The following PCDH11X variants were observed in gnomAD, a reference collection of about 807,000 sequenced individuals.
PCDH11X encodes the protein protocadherin-11 X-linked.
PCDH11X carries 18 observed loss-of-function variants against 53.3 expected under a neutral mutation model. The ratio of observed to expected loss-of-function variants is 0.34; its 90% confidence interval spans 0.23 to 0.50. The LOEUF (loss-of-function observed/expected upper bound fraction) is 0.50, where lower values mean the gene tolerates loss of function less well. Among genes scored for constraint, PCDH11X ranks in the 20% least tolerant of loss-of-function variants. The pLI, the probability that PCDH11X is intolerant of heterozygous loss-of-function variation, is 0.98. For missense variants in PCDH11X, 570 were observed against 1,032.4 expected, an observed-to-expected ratio of 0.55 and a Z score of 6.14; for synonymous variants, 279 against 393.3, an observed-to-expected ratio of 0.71 and a Z score of 3.44.
At chrX:91,873,913 C>G (rs1939455322) in intron 5 of PCDH11X, among the ~76,000 whole-genome samples, 2 of 110,806 alleles carry the variant, frequency 1.8e-5, no homozygotes, top group Admixed American at 1.9e-4. Flanking sequence ...TAATGTAAAT[C>G]CGTTAGTGTC....
chrX:91,839,511 G>T (rs2147627223), intron 5 of PCDH11X, among the ~76,000 whole-genome samples: 1 of 107,455 alleles, frequency 9.3e-6, no homozygotes, highest in South Asian at 4.2e-4. Flanking sequence ...GGCTGAGGCA[G>T]GAGAATCACT....
At chrX:91,919,139 T>C (rs1305066149) in intron 6 of PCDH11X, among the ~76,000 whole-genome samples, 14 of 111,854 alleles carry the variant, frequency 1.3e-4, no homozygotes, top group Non-Finnish European at 1.1e-4. Flanking sequence ...AAGTTGTTTC[T>C]GTAAGAGACA....
rs761902572 is a variant in PCDH11X, at chrX:92,030,022, G to A, written c.3033+150749G>A. Among the ~76,000 whole-genome samples the A allele has an allele frequency of 2.7e-5, 3 of 111,991 alleles. No individual in the cohort carries two copies. The East Asian group carries it at 8.5e-4, about 32-fold the overall frequency. On this transcript the variant is annotated intron_variant, in intron 6 of 10. Transcript: ENST00000682573. ...TCTGTGGCCAGGCTAGAGTGCAGTG[G>A]CACGATCTCGGCTCACTACAACCTC... is the stretch of plus-strand genomic sequence containing the variant.
In PCDH11X at chrX:91,816,426, C is replaced by A. The variant is rs191637588; in HGVS notation, c.-45+5131C>A. Among the ~76,000 whole-genome samples the A allele has an allele frequency of 6.5e-3, 725 of 111,069 alleles. 7 individuals carry two copies. The highest frequency in any genetic ancestry group is 0.023 in the African/African-American group (693 of 30,586). ...AGGGAACATTGAAGGATTCTATTTC[C>A]ATTTCAGTGCTTAATGGCTTTTACT... On this transcript the variant is annotated intron_variant, in intron 4 of 10. Coordinates refer to ENST00000682573, the MANE Select transcript of PCDH11X (RefSeq NM_032968.5).
intron 6 of PCDH11X, among the ~76,000 whole-genome samples, chrX:92,005,146 G>T (rs2062577807): frequency 9.0e-6 from 1 of 110,807 alleles, no homozygotes; most frequent in African/African-American, 3.3e-5. Context: ...TATCCATGCA[G>T]CTGGTTTATG....
chrX:92,582,534 G>T (rs1391412059), intron 10 of PCDH11X, among the ~76,000 whole-genome samples: 1 of 109,893 alleles, frequency 9.1e-6, no homozygotes, highest in African/African-American at 3.3e-5. Context: ...GAAATGCCTA[G>T]ATGTCCAGGT....
intron 7 of PCDH11X, among the ~76,000 whole-genome samples, chrX:92,211,906 T>C (rs2066593484): frequency 9.0e-6 from 1 of 111,172 alleles, no homozygotes; most frequent in South Asian, 3.7e-4. Context: ...ACTACCTTTC[T>C]AGACTATGCA....
chrX:92,333,042 A>G (rs2069531158), intron 8 of PCDH11X, among the ~76,000 whole-genome samples: 3 of 110,752 alleles, frequency 2.7e-5, no homozygotes, highest in Admixed American at 9.7e-5. Flanking sequence ...CATTTATGCA[A>G]CATGTACATG....
chrX:92,195,137 C>T (rs2066271554), intron 6 of PCDH11X, among the ~76,000 whole-genome samples: 1 of 111,085 alleles, frequency 9.0e-6, no homozygotes, highest in Admixed American at 9.6e-5. Context: ...AACTCTTAAA[C>T]GAAGATTAGT....
chrX:92,105,294 G>A (rs1355542098), intron 6 of PCDH11X, among the ~76,000 whole-genome samples: 4 of 111,309 alleles, frequency 3.6e-5, no homozygotes, highest in South Asian at 3.8e-4. Context: ...GCCTCTTACC[G>A]GATTTGAAAT....
chrX:92,040,614 G>T (rs2063195651), intron 6 of PCDH11X, among the ~76,000 whole-genome samples: 1 of 111,670 alleles, frequency 9.0e-6, no homozygotes, highest in Admixed American at 9.5e-5. Flanking sequence ...TGCCTCTTTT[G>T]GTGATATGAA....
intron 6 of PCDH11X, among the ~76,000 whole-genome samples, chrX:91,999,007 C>A (rs1178499072): frequency 9.1e-6 from 1 of 109,996 alleles, no homozygotes; most frequent in Non-Finnish European, 1.9e-5. Flanking sequence ...TCAACCTCCC[C>A]GGCTCAAAGG....
At chrX:92,215,803 C>A (rs1008277280) in intron 7 of PCDH11X, among the ~76,000 whole-genome samples, 6 of 106,499 alleles carry the variant, frequency 5.6e-5, no homozygotes, top group Non-Finnish European at 9.7e-5. Flanking sequence ...GGAGGCACCC[C>A]CCAGTAGGGG....
intron 7 of PCDH11X, among the ~76,000 whole-genome samples, chrX:92,206,444 T>C (rs193120445): frequency 2.2e-3 from 250 of 112,210 alleles, no homozygotes; most frequent in African/African-American, 7.9e-3. Flanking sequence ...TTAAATACTT[T>C]GATAATGCCA....
At chrX:92,041,310 A>G (rs2063205633) in intron 6 of PCDH11X, among the ~76,000 whole-genome samples, 1 of 109,538 alleles carries the variant, frequency 9.1e-6, no homozygotes, top group African/African-American at 3.3e-5. Flanking sequence ...TATAAAACCT[A>G]ATTAAAATTA....
chrX:92,123,411 A>C (rs763430892), intron 6 of PCDH11X, among the ~76,000 whole-genome samples: 2 of 111,591 alleles, frequency 1.8e-5, no homozygotes, highest in Non-Finnish European at 3.8e-5. Context: ...GTACTAGGCC[A>C]CCATCTACTT....
At chrX:92,121,089 A>C (rs191269409) in intron 6 of PCDH11X, among the ~76,000 whole-genome samples, 1 of 111,563 alleles carries the variant, frequency 9.0e-6, no homozygotes, top group African/African-American at 3.2e-5. Context: ...ATGTATTTTT[A>C]AATTTTAGTA....
At chrX:92,267,440 C>A (rs1056337155) in intron 8 of PCDH11X, among the ~76,000 whole-genome samples, 1 of 112,312 alleles carries the variant, frequency 8.9e-6, no homozygotes, top group African/African-American at 3.2e-5. Context: ...GCTATAGTAG[C>A]AAAGCAAGTA....
At chrX:92,392,419 A>G (rs12116260) in intron 9 of PCDH11X, among the ~76,000 whole-genome samples, 4,818 of 110,210 alleles carry the variant, frequency 0.044, 232 homozygotes, top group African/African-American at 0.14. Flanking sequence ...TTAATTCACA[A>G]CAAGGAAGTA....
Sources: gnomAD v4.1 joint callset for allele counts (sites outside exome capture counted in the v4.1 genomes callset) on GRCh38, gnomAD v4.1.1 for gene constraint, MANE v1.5 for transcripts, NCBI Gene and HGNC (gene_info 2026-07-23, HGNC 2026-07-21) for gene names.